The following PPARGC1A variants were observed in gnomAD, a reference collection of about 807,000 sequenced individuals.
PPARGC1A encodes the protein peroxisome proliferator-activated receptor gamma coactivator 1-alpha.
PPARGC1A carries 25 observed loss-of-function variants against 88.7 expected under a neutral mutation model. The observed-to-expected ratio is 0.28, with a 90% CI of 0.21 to 0.39. PPARGC1A has a LOEUF of 0.39. Ranked by LOEUF, PPARGC1A falls within the 10% of genes least tolerant of loss-of-function variation. The pLI, the probability that PPARGC1A is intolerant of heterozygous loss-of-function variation, is 1.00. For missense variants in PPARGC1A, 880 were observed against 968.7 expected, an observed-to-expected ratio of 0.91 and a Z score of 1.22; for synonymous variants, 363 against 355.6, an observed-to-expected ratio of 1.02 and a Z score of -0.24.
the PPARGC1A span, among the ~76,000 whole-genome samples, chr4:23,953,077 T>C: frequency 6.6e-6 from 1 of 152,122 alleles, no homozygotes; most frequent in Admixed American, 6.6e-5. Context: ...CTTTTGAGTC[T>C]CACCTTTCTT....
chr4:24,275,010 T>C, the PPARGC1A span, among the ~76,000 whole-genome samples: 1 of 152,226 alleles, frequency 6.6e-6, no homozygotes, highest in Admixed American at 6.5e-5. Context: ...GTTACACCAA[T>C]CAGATGAAAA....
the PPARGC1A span, among the ~76,000 whole-genome samples, chr4:24,116,113 C>T: frequency 6.6e-6 from 1 of 152,282 alleles, no homozygotes; most frequent in African/African-American, 2.4e-5. Flanking sequence ...GCAAGTCCAC[C>T]CCCTTGCTTT....
At chr4:23,892,389 A>G (rs1717971098), upstream of PPARGC1A, among the ~76,000 whole-genome samples, 2 of 152,146 alleles carry the variant, frequency 1.3e-5, no homozygotes, top group Admixed American at 6.5e-5. Flanking sequence ...CTATTACTGG[A>G]CAAATCAAAA....
At chr4:24,350,528 G>A in the PPARGC1A span, among the ~76,000 whole-genome samples, 1 of 152,172 alleles carries the variant, frequency 6.6e-6, no homozygotes, top group African/African-American at 2.4e-5. Flanking sequence ...TCTCATGAGG[G>A]AGTGGTATGA....
At chr4:24,217,116 G>C in the PPARGC1A span, among the ~76,000 whole-genome samples, 1 of 152,180 alleles carries the variant, frequency 6.6e-6, no homozygotes, top group East Asian at 1.9e-4. Flanking sequence ...AGCATAAAAT[G>C]TGAGCTAAGG....
At chr4:24,299,436 G>T in the PPARGC1A span, among the ~76,000 whole-genome samples, 2 of 152,138 alleles carry the variant, frequency 1.3e-5, no homozygotes, top group African/African-American at 4.8e-5. Context: ...ACTTACAGAA[G>T]TCAATATATG....
chr4:24,354,779 C>T, the PPARGC1A span, among the ~76,000 whole-genome samples: 1 of 151,868 alleles, frequency 6.6e-6, no homozygotes, highest in Non-Finnish European at 1.5e-5. Context: ...CCCAGCTACT[C>T]GGGAGGCTGA....
At chr4:24,109,157 C>T in the PPARGC1A span, among the ~76,000 whole-genome samples, 1 of 151,614 alleles carries the variant, frequency 6.6e-6, no homozygotes, top group South Asian at 2.1e-4. Context: ...AAAATTGAAA[C>T]TTATTGGTAA....
At chr4:24,227,322 G>A in the PPARGC1A span, among the ~76,000 whole-genome samples, 1 of 152,110 alleles carries the variant, frequency 6.6e-6, no homozygotes, top group South Asian at 2.1e-4. Context: ...CTTGAGCTCA[G>A]GCAATTTGCC....
At chr4:24,426,398 T>C in the PPARGC1A span, among the ~76,000 whole-genome samples, 1 of 152,192 alleles carries the variant, frequency 6.6e-6, no homozygotes, top group Non-Finnish European at 1.5e-5. Flanking sequence ...TCAATCTCCT[T>C]GACAGCATAC....
chr4:24,447,602 C>A, the PPARGC1A span, among the ~76,000 whole-genome samples: 1 of 152,198 alleles, frequency 6.6e-6, no homozygotes, highest in Admixed American at 6.5e-5. Context: ...CATGATGTGT[C>A]TGAATCCTCG....
chr4:24,023,623 G>C, the PPARGC1A span, among the ~76,000 whole-genome samples: 1 of 152,308 alleles, frequency 6.6e-6, no homozygotes, highest in East Asian at 1.9e-4. Flanking sequence ...TTAAAATAGA[G>C]ATAATATCGT....
At chr4:24,433,935 G>A in the PPARGC1A span, among the ~76,000 whole-genome samples, 7 of 152,132 alleles carry the variant, frequency 4.6e-5, no homozygotes, top group Non-Finnish European at 7.4e-5. Context: ...CACAAGCCTC[G>A]CTGGCCGCCA....
the PPARGC1A span, among the ~76,000 whole-genome samples, chr4:24,264,375 C>T: frequency 6.6e-6 from 1 of 152,138 alleles, no homozygotes; most frequent in Non-Finnish European, 1.5e-5. Flanking sequence ...CACTGCTGAA[C>T]AGTTTCTTTT....
the PPARGC1A span, among the ~76,000 whole-genome samples, chr4:24,275,063 C>T: frequency 4.6e-5 from 7 of 152,190 alleles, no homozygotes; most frequent in African/African-American, 1.4e-4. Context: ...TTCTACAACC[C>T]GGATTCTTAG....
the PPARGC1A span, among the ~76,000 whole-genome samples, chr4:24,119,612 C>T: frequency 6.6e-6 from 1 of 152,016 alleles, no homozygotes; most frequent in Non-Finnish European, 1.5e-5. Flanking sequence ...ACACACTTAG[C>T]ACAAAAATTT....
the PPARGC1A span, among the ~76,000 whole-genome samples, chr4:24,227,323 G>A: frequency 6.6e-6 from 1 of 152,112 alleles, no homozygotes; most frequent in Non-Finnish European, 1.5e-5. Flanking sequence ...TTGAGCTCAG[G>A]CAATTTGCCT....
At chr4:23,971,904 T>C in the PPARGC1A span, among the ~76,000 whole-genome samples, 5 of 152,216 alleles carry the variant, frequency 3.3e-5, no homozygotes, top group Admixed American at 6.5e-5. Context: ...TCTAACTTTA[T>C]TGGTTGAGCT....
At chr4:24,245,192 A>T in the PPARGC1A span, among the ~76,000 whole-genome samples, 4,885 of 152,296 alleles carry the variant, frequency 0.032, 201 homozygotes, top group East Asian at 0.12. Context: ...GCTTTTCCCC[A>T]TTTAGAAACA....
Sources: allele counts gnomAD v4.1 joint callset (sites outside exome capture counted in the v4.1 genomes callset), GRCh38; gene constraint gnomAD v4.1.1; transcripts MANE v1.5; gene names NCBI Gene and HGNC (gene_info 2026-07-23, HGNC 2026-07-21).